Variants in PRKN observed in about 807,000 individuals in gnomAD.
PRKN encodes parkin RBR E3 ubiquitin protein ligase, also known as E3 ubiquitin-protein ligase parkin.
Under a neutral mutation model 59.5 loss-of-function variants are expected in PRKN, and 56 were observed. That is an observed-to-expected ratio of 0.94 (90% CI 0.76 to 1.18). PRKN has a LOEUF of 1.18. Ranked by LOEUF, PRKN falls within the 50% of genes most tolerant of loss-of-function variation. The pLI is 0.00. For synonymous variants in PRKN, 250 were observed against 222.1 expected (o/e 1.13, Z -1.12); for missense variants, 657 against 596.4 (o/e 1.10, Z -1.06).
rs928438675 is a variant in PRKN, at chr6:161,377,217, C to T, written c.1167+9577G>A. On this transcript the variant is annotated intron_variant, in intron 10 of 11. Transcript: ENST00000366898. The surrounding 1 kb of genome is among the most constrained non-coding windows in gnomAD (Gnocchi z 4.2). ...TTGAAAGAGAGCCCCTGGCACGCTA[C>T]CGAGCCCTGTGGAGTTGGAGCATCT... Among the ~76,000 whole-genome samples, 1 of 152,234 alleles carries T rather than the reference C, an allele frequency of 6.6e-6. No individual in the cohort carries two copies. The highest frequency in any genetic ancestry group is 2.1e-4 in the South Asian group (1 of 4,836).
At chr6:162,545,582 C>T (rs891468519) in intron 1 of PRKN, among the ~76,000 whole-genome samples, 8 of 152,032 alleles carry the variant, frequency 5.3e-5, no homozygotes, top group African/African-American at 1.9e-4. Context: ...TATTAACCTT[C>T]CTTATATATG....
intron 7 of PRKN, among the ~76,000 whole-genome samples, chr6:161,625,397 A>G (rs1783047814): frequency 6.8e-6 from 1 of 147,270 alleles, no homozygotes; most frequent in Non-Finnish European, 1.5e-5. Context: ...GGAACATCAC[A>G]CATCGGGGCT....
chr6:161,824,205 C>T (rs189878459), intron 6 of PRKN, among the ~76,000 whole-genome samples: 30 of 152,288 alleles, frequency 2.0e-4, no homozygotes, highest in South Asian at 1.0e-3. Flanking sequence ...GCACCTGAAA[C>T]GTGTGGATGG....
chr6:162,184,448 T>C (rs921857596), intron 4 of PRKN, among the ~76,000 whole-genome samples: 2 of 152,138 alleles, frequency 1.3e-5, no homozygotes, highest in African/African-American at 4.8e-5. Context: ...ATGTGGGCGA[T>C]TTCACCCATG....
chr6:161,804,983 A>G (rs1040120151), intron 6 of PRKN, among the ~76,000 whole-genome samples: 1 of 152,220 alleles, frequency 6.6e-6, no homozygotes, highest in Admixed American at 6.5e-5. Flanking sequence ...CAAAGGTGAC[A>G]GAGTGGTTTG....
intron 4 of PRKN, among the ~76,000 whole-genome samples, chr6:162,073,234 A>G (rs988513639): frequency 2.0e-5 from 3 of 152,120 alleles, no homozygotes; most frequent in African/African-American, 7.2e-5. Context: ...CTTTATAACA[A>G]CCCCAAACCT....
Position 162,178,562 on chromosome 6 carries a change from A to C in PRKN, c.534+22569T>G, listed in dbSNP as rs187988247. On this transcript the variant is annotated intron_variant, in intron 4 of 11. Coordinates refer to ENST00000366898, the MANE Select transcript of PRKN (RefSeq NM_004562.3). The stretch of plus-strand genomic sequence containing the variant: ...TAAATCCCTCAAGTACCTACTACCA[A>C]GCTATTTGTTTAAAGACTATTTTGG... Among the ~76,000 whole-genome samples, 227 of 152,288 alleles carry C rather than the reference A, an allele frequency of 1.5e-3. 1 individual carries two copies. Among genetic ancestry groups the C allele is most frequent in the African/African-American group, 5.2e-3 (217 of 41,566 alleles).
intron 1 of PRKN, among the ~76,000 whole-genome samples, chr6:162,511,855 A>G (rs1777633642): frequency 6.6e-6 from 1 of 151,932 alleles, no homozygotes; most frequent in Non-Finnish European, 1.5e-5. Context: ...CACTTCACAT[A>G]AAGAGATTTT....
At chr6:161,812,060 T>C (rs1791585903) in intron 6 of PRKN, among the ~76,000 whole-genome samples, 1 of 151,572 alleles carries the variant, frequency 6.6e-6, no homozygotes, top group Admixed American at 6.6e-5. Context: ...AAGCAAAAAA[T>C]CAATATATTG....
intron 4 of PRKN, among the ~76,000 whole-genome samples, chr6:162,061,558 T>C (rs931344621): frequency 3.3e-5 from 5 of 152,174 alleles, no homozygotes; most frequent in Non-Finnish European, 7.3e-5. Context: ...CTAAAGCATG[T>C]ATCGCCCTCT....
intron 2 of PRKN, among the ~76,000 whole-genome samples, chr6:162,283,095 T>C (rs1047318604): frequency 4.6e-5 from 7 of 152,138 alleles, no homozygotes; most frequent in African/African-American, 1.7e-4. Flanking sequence ...ATGGATGATG[T>C]TGCCATCTTC....
At chr6:161,431,136 C>A (rs1172783495) in intron 9 of PRKN, among the ~76,000 whole-genome samples, 2 of 65,112 alleles carry the variant, frequency 3.1e-5, no homozygotes, top group East Asian at 1.8e-3. Flanking sequence ...GAGACTCTGT[C>A]TCAAAAAAAA....
chr6:162,069,978 G>C (rs527489996), intron 4 of PRKN, among the ~76,000 whole-genome samples: 1 of 152,304 alleles, frequency 6.6e-6, no homozygotes, highest in East Asian at 1.9e-4. Context: ...TAAAAGCAAT[G>C]GCAATGGCAT....
intron 1 of PRKN, among the ~76,000 whole-genome samples, chr6:162,703,577 G>T (rs1322503052): frequency 1.3e-5 from 2 of 152,150 alleles, no homozygotes; most frequent in Non-Finnish European, 2.9e-5. Context: ...CAGCTGCCTA[G>T]CTTGAGTGTG....
intron 1 of PRKN, among the ~76,000 whole-genome samples, chr6:162,497,387 G>A (rs536299962): frequency 1.3e-5 from 2 of 152,284 alleles, no homozygotes; most frequent in African/African-American, 4.8e-5. Context: ...AAAGTATCAG[G>A]TGTTAGAAGT....
intron 1 of PRKN, among the ~76,000 whole-genome samples, chr6:162,622,291 GTTTT>G (rs748667913): frequency 3.9e-5 from 5 of 126,644 alleles, no homozygotes; most frequent in African/African-American, 1.1e-4. Flanking sequence ...TTCAAATTCT[GTTTT>G]TTTTTTTGTT....
intron 4 of PRKN, among the ~76,000 whole-genome samples, chr6:162,142,543 G>A (rs553834844): frequency 1.4e-4 from 21 of 152,220 alleles, no homozygotes; most frequent in South Asian, 6.2e-4. Flanking sequence ...TCTCCTAGCC[G>A]AATGACCATC....
At chr6:161,725,120 C>T (rs1787387955) in intron 7 of PRKN, among the ~76,000 whole-genome samples, 1 of 152,220 alleles carries the variant, frequency 6.6e-6, no homozygotes. Flanking sequence ...GTACAACCTG[C>T]AGAACCATGA....
At chr6:162,361,975 A>C (rs934019520) in intron 2 of PRKN, among the ~76,000 whole-genome samples, 3 of 152,220 alleles carry the variant, frequency 2.0e-5, no homozygotes, top group African/African-American at 7.2e-5. Flanking sequence ...CATGCATATG[A>C]ATTATGAAAA....
Sources: gnomAD v4.1 joint callset for allele counts (sites outside exome capture counted in the v4.1 genomes callset) on GRCh38, gnomAD v4.1.1 for gene constraint, Gnocchi (gnomAD v3.1) non-coding constraint, MANE v1.5 for transcripts, NCBI Gene and HGNC (gene_info 2026-07-23, HGNC 2026-07-21) for gene names.